The following CUL1 variants were observed in gnomAD, a reference collection of about 807,000 sequenced individuals.
The protein encoded by CUL1 is cullin 1, also known as cullin-1.
Under a neutral mutation model 118.0 loss-of-function variants are expected in CUL1, and 24 were observed. The observed-to-expected ratio is 0.20, with a 90% CI of 0.15 to 0.29. The LOEUF (loss-of-function observed/expected upper bound fraction) is 0.29. CUL1 is among the 10% of genes least tolerant of loss of function. The pLI, the probability that CUL1 is intolerant of heterozygous loss-of-function variation, is 1.00. For missense variants in CUL1, 361 were observed against 933.8 expected, an observed-to-expected ratio of 0.39 and a Z score of 7.99; for synonymous variants, 332 against 340.4, an observed-to-expected ratio of 0.98 and a Z score of 0.27.
intron 1 of CUL1, among the ~76,000 whole-genome samples, chr7:148,725,444 G>A (rs1380565812): frequency 2.0e-5 from 3 of 152,216 alleles, no homozygotes; most frequent in African/African-American, 7.2e-5. Flanking sequence ...GGAGTTAAAG[G>A]CCTGGCCTGC....
intron 1 of CUL1, among the ~76,000 whole-genome samples, chr7:148,699,855 A>G (rs1797664824): frequency 6.6e-6 from 1 of 151,922 alleles, no homozygotes; most frequent in African/African-American, 2.4e-5. Flanking sequence ...CCCTGAGGGT[A>G]GCCGTGCGCC....
At chr7:148,771,206 G>GT (rs1179389439) in intron 9 of CUL1, among the ~76,000 whole-genome samples, 1 of 152,090 alleles carries the variant, frequency 6.6e-6, no homozygotes, top group African/African-American at 2.4e-5. Context: ...CCAAAAAAAA[G>GT]TTTTTTATCT....
intron 1 of CUL1, among the ~76,000 whole-genome samples, chr7:148,712,183 C>T (rs1416823910): frequency 6.6e-6 from 1 of 152,222 alleles, no homozygotes; most frequent in Non-Finnish European, 1.5e-5. Context: ...TCTCCAGTAG[C>T]GGCTTTTCCA....
chr7:148,729,918 G>C, intron 1 of CUL1, 44 bp from the exon 2 acceptor site: 1 of 559,200 alleles, frequency 1.8e-6, no homozygotes, highest in Non-Finnish European at 3.0e-6. Context: ...CCTTATTACA[G>C]TACCCCAGAG....
At chr7:148,759,665 A>C (rs539319582) in intron 6 of CUL1, 27 bp downstream of exon 6, 334 of 1,379,476 alleles carry the variant, frequency 2.4e-4, no homozygotes, top group Non-Finnish European at 3.2e-4. Context: ...TAGTTTATTC[A>C]AAGTTTTCAC....
intron 7 of CUL1, among the ~76,000 whole-genome samples, chr7:148,766,067 G>A (rs1354059281): frequency 1.3e-5 from 2 of 152,200 alleles, no homozygotes; most frequent in African/African-American, 4.8e-5. Flanking sequence ...AGAGAAAATG[G>A]CAGACATCAG....
intron 8 of CUL1, 64 bp downstream of exon 8, chr7:148,766,787 G>A: frequency 5.1e-6 from 7 of 1,381,170 alleles, no homozygotes; most frequent in Non-Finnish European, 7.0e-6. Context: ...TATTGCTTTT[G>A]ATTCTAGACT....
At chr7:148,704,279 CTGT>C (rs1377769351) in intron 1 of CUL1, among the ~76,000 whole-genome samples, 1 of 151,566 alleles carries the variant, frequency 6.6e-6, no homozygotes, top group South Asian at 2.1e-4. Context: ...CAGTGAGATA[CTGT>C]TGTTGTTTTT....
chr7:148,714,727 G>A (rs1039602987), intron 1 of CUL1, among the ~76,000 whole-genome samples: 3 of 152,156 alleles, frequency 2.0e-5, no homozygotes, highest in African/African-American at 7.2e-5. Flanking sequence ...ATTTTAGAGG[G>A]CAGTGGAAAG....
intron 9 of CUL1, among the ~76,000 whole-genome samples, chr7:148,768,781 G>C (rs918248381): frequency 7.2e-5 from 11 of 151,954 alleles, no homozygotes; most frequent in African/African-American, 2.7e-4. Flanking sequence ...ATTTTTGATA[G>C]CATTATCAAA....
At chr7:148,724,479 T>C (rs243521) in intron 1 of CUL1, among the ~76,000 whole-genome samples, 47,757 of 152,154 alleles carry the variant, frequency 0.31, 8,226 homozygotes, top group South Asian at 0.47. Context: ...TAAAAACTCA[T>C]GCGGGCTCCG....
At chr7:148,714,590 T>G (rs1258448131) in intron 1 of CUL1, among the ~76,000 whole-genome samples, 1 of 152,218 alleles carries the variant, frequency 6.6e-6, no homozygotes, top group Non-Finnish European at 1.5e-5. Flanking sequence ...TAAGAGAATC[T>G]GAATAGCAGT....
At chr7:148,769,198 T>C (rs544775227) in intron 9 of CUL1, among the ~76,000 whole-genome samples, 12 of 152,316 alleles carry the variant, frequency 7.9e-5, no homozygotes, top group African/African-American at 2.9e-4. Flanking sequence ...AGAATGATAA[T>C]GCCTATCCCA....
chr7:148,756,937 A>G (rs1799678628), intron 3 of CUL1, 46 bp from the exon 4 acceptor site: 5 of 1,341,976 alleles, frequency 3.7e-6, no homozygotes, highest in East Asian at 4.9e-5. Flanking sequence ...TTAATTTATA[A>G]TGTGACAAAT....
chr7:148,717,792 G>C (rs961869213), intron 1 of CUL1, among the ~76,000 whole-genome samples: 1 of 151,982 alleles, frequency 6.6e-6, no homozygotes, highest in African/African-American at 2.4e-5. Context: ...TCTGAGAAAC[G>C]CTCAAAGCAC....
Position 148,759,362 on chromosome 7 carries a change from C to T in CUL1, c.534+8C>T. ...AGGCCACTGAATAAACAGGTACCTA[C>T]TGGTGTGAGCGTGTGCATGTTCCTT... On this transcript the variant is annotated splice_region_variant and intron_variant, in intron 5 of 21. Coordinates refer to ENST00000325222, the MANE Select transcript of CUL1 (RefSeq NM_003592.3). 1 of 1,613,800 alleles carries T rather than the reference C, an allele frequency of 6.2e-7. No individual in the cohort carries two copies.
intron 17 of CUL1, among the ~76,000 whole-genome samples, chr7:148,797,498 A>G (rs1293303195): frequency 6.6e-6 from 1 of 151,984 alleles, no homozygotes; most frequent in Admixed American, 6.6e-5. Flanking sequence ...AAATCCAAAC[A>G]CTTCTAGTCC....
intron 2 of CUL1, among the ~76,000 whole-genome samples, chr7:148,742,265 C>T (rs572085856): frequency 1.3e-5 from 2 of 152,140 alleles, no homozygotes; most frequent in Non-Finnish European, 2.9e-5. Flanking sequence ...AGAGGTTTAA[C>T]GGACTCAGAG....
At chr7:148,718,812 TTTAA>T (rs1264358189) in intron 1 of CUL1, among the ~76,000 whole-genome samples, 2 of 152,178 alleles carry the variant, frequency 1.3e-5, no homozygotes, top group African/African-American at 4.8e-5. Flanking sequence ...GCCGCAGATG[TTTAA>T]TTATTAGCTT....
Sources: allele counts gnomAD v4.1 joint callset (sites outside exome capture counted in the v4.1 genomes callset), GRCh38; gene constraint gnomAD v4.1.1; transcripts MANE v1.5; gene names NCBI Gene and HGNC (gene_info 2026-07-23, HGNC 2026-07-21).